The following TOGARAM1 variants were observed in gnomAD, a reference collection of about 807,000 sequenced individuals.
TOGARAM1 encodes TOG array regulator of axonemal microtubules protein 1.
A neutral mutation model predicts 166.6 loss-of-function variants in TOGARAM1; 100 were observed. That is an observed-to-expected ratio of 0.60 (90% CI 0.51 to 0.71). TOGARAM1 has a LOEUF of 0.71. Ranked by LOEUF, TOGARAM1 falls within the 30% of genes least tolerant of loss-of-function variation. TOGARAM1 has a pLI of 0.00. For synonymous variants in TOGARAM1, 758 were observed against 763.8 expected, an observed-to-expected ratio of 0.99 and a Z score of 0.13; for missense variants, 2,029 against 2,102.7, an observed-to-expected ratio of 0.96 and a Z score of 0.69.
chr14:45,044,924 A>G (rs1049051587), intron 13 of TOGARAM1, 54 bp downstream of exon 13: 16 of 1,327,300 alleles, frequency 1.2e-5, no homozygotes, highest in Middle Eastern at 3.8e-4. Flanking sequence ...AAATGTTGCA[A>G]TCGGGACTGT....
In TOGARAM1 at chr14:44,963,929, G is replaced by C; in HGVS notation, c.1508G>C (p.Ser503Thr). 3 of 1,614,024 alleles carry C rather than the reference G, an allele frequency of 1.9e-6. No individual in the cohort carries two copies. Among genetic ancestry groups the C allele is most frequent in the Non-Finnish European group, 2.5e-6 (3 of 1,179,886 alleles). ...ATCTGCTCCCTGCTGACCTATCCTA[G>C]TGAGGATTTTGACTTGCCCAAACTG... ...ICICSLLTYPSEDFDLPKLSF... is the reference protein window; with the variant it reads ...ICICSLLTYPTEDFDLPKLSF... The change falls in exon 1 of 20, where the codon AGT becomes ACT. Residue 503 changes from serine to threonine, a missense_variant. Transcript: ENST00000361462.
intron 11 of TOGARAM1, among the ~76,000 whole-genome samples, chr14:45,040,204 C>T (rs901079690): frequency 1.3e-5 from 2 of 151,996 alleles, no homozygotes; most frequent in Non-Finnish European, 2.9e-5. Flanking sequence ...TATGTGTAAC[C>T]TATGGATCTA....
intron 14 of TOGARAM1, among the ~76,000 whole-genome samples, chr14:45,048,002 G>A (rs889177829): frequency 6.7e-6 from 1 of 149,896 alleles, no homozygotes; most frequent in Non-Finnish European, 1.5e-5. Context: ...GTTGCAGTGA[G>A]CTGAGATTGT....
intron 15 of TOGARAM1, among the ~76,000 whole-genome samples, chr14:45,054,004 A>C (rs1882509252): frequency 6.6e-6 from 1 of 151,914 alleles, no homozygotes; most frequent in African/African-American, 2.4e-5. Flanking sequence ...TCAGCCTCCC[A>C]AATAGCTAGG....
chr14:45,055,864 A>T (rs1375242561), intron 16 of TOGARAM1, among the ~76,000 whole-genome samples: 52 of 145,938 alleles, frequency 3.6e-4, no homozygotes, highest in Admixed American at 6.7e-4. Flanking sequence ...TTTTTTTCCA[A>T]AAAAAGGTTC....
chr14:45,039,713 C>A (rs967306325), intron 11 of TOGARAM1, among the ~76,000 whole-genome samples: 1 of 152,228 alleles, frequency 6.6e-6, no homozygotes, highest in African/African-American at 2.4e-5. Flanking sequence ...GAAGGCACTT[C>A]TGAGCCTGTG....
chr14:45,021,113 A>G (rs1880473283), intron 7 of TOGARAM1, among the ~76,000 whole-genome samples: 3 of 152,018 alleles, frequency 2.0e-5, no homozygotes, highest in African/African-American at 7.2e-5. Context: ...TACTTCCTTT[A>G]TGTGTTTTTC....
chr14:44,984,238 C>T (rs59017481), intron 1 of TOGARAM1, among the ~76,000 whole-genome samples: 9,065 of 151,524 alleles, frequency 0.06, 679 homozygotes, highest in African/African-American at 0.18. Context: ...AGAAATAAAG[C>T]GGTTAAAATG....
chr14:44,987,307 G>A (rs1886874398), intron 1 of TOGARAM1, among the ~76,000 whole-genome samples: 1 of 152,066 alleles, frequency 6.6e-6, no homozygotes, highest in African/African-American at 2.4e-5. Context: ...ACTACTATCA[G>A]AGTGAATAGG....
chr14:45,041,850 C>A (rs1449629428), intron 11 of TOGARAM1, among the ~76,000 whole-genome samples: 1 of 152,210 alleles, frequency 6.6e-6, no homozygotes, highest in Non-Finnish European at 1.5e-5. Context: ...CAGCCTCGAC[C>A]TCTGTGGGCT....
In TOGARAM1 at chr14:45,073,518, G is replaced by C; in HGVS notation, c.5279G>C (p.Ser1760Thr). 1 of 1,613,958 alleles carries C rather than the reference G, an allele frequency of 6.2e-7. No homozygotes were observed. ...AASQPPHIKK[S>T]LEELLDMTIL... ...TCTCAACCACCACATATCAAAAAGA[G>C]TTTGGAGGAATTACTCGATATGACA... The change falls in exon 20 of 20, where the codon AGT becomes ACT. Residue 1760 changes from serine to threonine, a missense_variant. Ser to Thr is a moderately conservative substitution (Grantham distance 58, BLOSUM62 1). Around this residue, in one of 2 missense-constraint regions of TOGARAM1, gnomAD observed 576 missense variants for 670.5 expected, o/e 0.86. Transcript: ENST00000361462.
In TOGARAM1 at chr14:45,045,563, ATATATATATATATATATATATGTGTGTG is replaced by A. The variant is rs1407616549; in HGVS notation, c.4154+695_4154+722del. Among the ~76,000 whole-genome samples, 6 of 40,572 alleles carry A rather than the reference ATATATATATATATATATATATGTGTGTG, an allele frequency of 1.5e-4. 1 individual carries two copies. The highest frequency in any genetic ancestry group is 4.6e-4 in the African/African-American group (3 of 6,512). 26.6% of individuals were successfully genotyped at this position (40,572 alleles called of 152,430 possible). ...TGTGTGTATATATATATATATATAT[ATATATATATATATATATATATGTGTGTG>A]TGTGTGTGTGTGTGTGTGTGTGTGT... On this transcript the variant is annotated intron_variant, in intron 13 of 19. Transcript: ENST00000361462.
chr14:45,041,262 A>T (rs142819043), intron 11 of TOGARAM1, among the ~76,000 whole-genome samples: 15 of 150,870 alleles, frequency 9.9e-5, no homozygotes. Context: ...TTAGCCGGCC[A>T]TGGTGGCACA....
At chr14:44,967,339 G>A (rs1418646267) in intron 1 of TOGARAM1, among the ~76,000 whole-genome samples, 1 of 151,928 alleles carries the variant, frequency 6.6e-6, no homozygotes, top group Non-Finnish European at 1.5e-5. Flanking sequence ...TTATTCATAT[G>A]CTGTATCCTA....
At chr14:45,017,820 G>C (rs570840248) in intron 7 of TOGARAM1, among the ~76,000 whole-genome samples, 1 of 152,162 alleles carries the variant, frequency 6.6e-6, no homozygotes, top group African/African-American at 2.4e-5. Context: ...GGGAGGCGGA[G>C]GTTGCAGTGA....
At chr14:45,063,641 A>G (rs1883006606) in intron 16 of TOGARAM1, among the ~76,000 whole-genome samples, 1 of 151,846 alleles carries the variant, frequency 6.6e-6, no homozygotes, top group Non-Finnish European at 1.5e-5. Context: ...CACCATGCCC[A>G]GCTAATTTTT....
intron 3 of TOGARAM1, among the ~76,000 whole-genome samples, chr14:45,002,392 T>C (rs1376495601): frequency 6.6e-6 from 1 of 152,190 alleles, no homozygotes; most frequent in African/African-American, 2.4e-5. Context: ...GGCTCTCTGG[T>C]TTTCTATTGG....
chr14:45,053,725 G>A (rs945827479), intron 15 of TOGARAM1, among the ~76,000 whole-genome samples: 4 of 151,946 alleles, frequency 2.6e-5, no homozygotes, highest in Non-Finnish European at 5.9e-5. Flanking sequence ...TCCAGTACAG[G>A]AAAAGTTTTA....
At chr14:45,004,996 C>A (rs1887882078) in intron 4 of TOGARAM1, among the ~76,000 whole-genome samples, 1 of 151,634 alleles carries the variant, frequency 6.6e-6, no homozygotes, top group African/African-American at 2.4e-5. Context: ...GATCTTGGCT[C>A]ACGGCATCCT....
Sources: allele counts gnomAD v4.1 joint callset (sites outside exome capture counted in the v4.1 genomes callset), GRCh38; gene constraint gnomAD v4.1.1; regional missense constraint gnomAD v4.1.1; transcripts MANE v1.5; gene names NCBI Gene and HGNC (gene_info 2026-07-23, HGNC 2026-07-21).